Variants in ADAMTSL1 observed in about 807,000 individuals in gnomAD.
The protein encoded by ADAMTSL1 is ADAMTS-like protein 1.
ADAMTSL1 carries 126 observed loss-of-function variants against 201.8 expected under a neutral mutation model. That is an observed-to-expected ratio of 0.62 (90% CI 0.54 to 0.72). The LOEUF (loss-of-function observed/expected upper bound fraction) is 0.72. Ranked by LOEUF, ADAMTSL1 falls within the 30% of genes least tolerant of loss-of-function variation. The pLI is 0.00. For synonymous variants in ADAMTSL1, 1,121 were observed against 903.4 expected (o/e 1.24, Z -4.32); for missense variants, 2,679 against 2,277.8 (o/e 1.18, Z -3.59).
intron 15 of ADAMTSL1, among the ~76,000 whole-genome samples, chr9:18,748,172 A>G (rs1819253337): frequency 6.6e-6 from 1 of 152,228 alleles, no homozygotes; most frequent in African/African-American, 2.4e-5. Context: ...AGAAAGCAGT[A>G]TAGTAAAAGA....
intron 20 of ADAMTSL1, among the ~76,000 whole-genome samples, chr9:18,812,133 A>C (rs1047073501): frequency 6.6e-6 from 1 of 152,366 alleles, no homozygotes; most frequent in African/African-American, 2.4e-5. Flanking sequence ...AGGAACTAGA[A>C]TAGCAAAGAG....
At chr9:17,919,480 A>C (rs756447157) in intron 1 of ADAMTSL1, among the ~76,000 whole-genome samples, 16 of 151,834 alleles carry the variant, frequency 1.1e-4, no homozygotes, top group Non-Finnish European at 2.2e-4. Context: ...TCACCCCCTT[A>C]CTTCCCTCCC....
chr9:18,089,316 G>T (rs1002006672), intron 1 of ADAMTSL1, among the ~76,000 whole-genome samples: 1 of 152,132 alleles, frequency 6.6e-6, no homozygotes, highest in African/African-American at 2.4e-5. Flanking sequence ...TCCTTTGCAG[G>T]AACATGGATG....
chr9:18,276,889 A>C (rs1351432454), intron 2 of ADAMTSL1, among the ~76,000 whole-genome samples: 1 of 152,318 alleles, frequency 6.6e-6, no homozygotes, highest in Middle Eastern at 3.4e-3. Flanking sequence ...TGGAGGTCAC[A>C]TTTCAACATG....
chr9:18,195,940 T>A (rs1829156592), intron 2 of ADAMTSL1, among the ~76,000 whole-genome samples: 1 of 152,142 alleles, frequency 6.6e-6, no homozygotes, highest in Non-Finnish European at 1.5e-5. Context: ...CTGATTCACG[T>A]CCTGTGAAAA....
At chr9:18,717,910 G>A in intron 14 of ADAMTSL1, 1 of 1,088,526 alleles carries the variant, frequency 9.2e-7, no homozygotes, top group East Asian at 2.4e-5. Context: ...TTGGAGTGTT[G>A]GCACTATTGA....
chr9:18,171,210 C>G (rs1827873293), intron 2 of ADAMTSL1, among the ~76,000 whole-genome samples: 1 of 151,878 alleles, frequency 6.6e-6, no homozygotes, highest in Non-Finnish European at 1.5e-5. Context: ...TAAATAGACA[C>G]ATATAAAAAA....
chr9:18,123,487 C>G (rs548810630), intron 1 of ADAMTSL1, among the ~76,000 whole-genome samples: 24 of 152,248 alleles, frequency 1.6e-4, no homozygotes, highest in African/African-American at 5.8e-4. Context: ...TGGAAGTAGT[C>G]TAGTTTTCTG....
rs756482530 is a variant in ADAMTSL1, at chr9:18,254,376, T to G, written c.207+90395T>G. Among the ~76,000 whole-genome samples, 747 of 117,762 alleles carry G rather than the reference T, an allele frequency of 6.3e-3. 14 individuals carry two copies. Among genetic ancestry groups the G allele is most frequent in the Middle Eastern group, 0.034 (8 of 234 alleles). The allele number at this position is 117,762 out of a possible 152,430, so 77.3% of individuals were successfully genotyped here. On this transcript the variant is annotated intron_variant, in intron 2 of 29. Coordinates refer to the ADAMTSL1 transcript ENST00000680146. ...TTTTTTTTTTTTTTTTTTTTTTTTT[T>G]TTTTGAGATGGAATCTCGCTCTGTC...
Position 18,905,828 on chromosome 9 carries a change from A to C in ADAMTSL1, c.4898A>C (p.Gln1633Pro), listed in dbSNP as rs1447510550. Reference sequence around the variant, plus strand: ...CCTCACCTAGCTGTGCAACACAGACAAGTCTTCTGCCAGACACGGGATGGC... The same window carrying C: ...CCTCACCTAGCTGTGCAACACAGACCAGTCTTCTGCCAGACACGGGATGGC... ...IGPHLAVQHR[Q>P]VFCQTRDGIT... The change falls in exon 27 of 29, where the codon CAA becomes CCA. Residue 1633 changes from glutamine to proline, a missense_variant. Gln to Pro is a moderately conservative substitution (Grantham distance 76). Coordinates refer to ENST00000380548, the MANE Select transcript of ADAMTSL1 (RefSeq NM_001040272.6). 1.2e-6 allele frequency: 2 copies of C among 1,613,648 alleles called. No individual in the cohort carries two copies. The highest frequency in any genetic ancestry group is 2.7e-5 in the African/African-American group (2 of 74,922).
chr9:18,411,831 C>T (rs140362242), intron 2 of ADAMTSL1, among the ~76,000 whole-genome samples: 50 of 152,154 alleles, frequency 3.3e-4, no homozygotes, highest in African/African-American at 1.2e-3. Flanking sequence ...ATTATTACAC[C>T]CAAAACAATT....
intron 9 of ADAMTSL1, among the ~76,000 whole-genome samples, chr9:18,670,976 A>C (rs187072355): frequency 6.6e-6 from 1 of 152,122 alleles, no homozygotes; most frequent in African/African-American, 2.4e-5. Context: ...TGTACTTTAA[A>C]TCATCTCTAG....
At chr9:17,981,573 A>C (rs1818698059) in intron 1 of ADAMTSL1, among the ~76,000 whole-genome samples, 1 of 152,174 alleles carries the variant, frequency 6.6e-6, no homozygotes, top group Non-Finnish European at 1.5e-5. Context: ...TTTATGGTCT[A>C]GGATGAACGT....
intron 2 of ADAMTSL1, among the ~76,000 whole-genome samples, chr9:18,450,305 C>T (rs1243687595): frequency 1.3e-5 from 2 of 152,066 alleles, no homozygotes; most frequent in African/African-American, 4.8e-5. Context: ...TTTGTCAAAA[C>T]TCATAAAATT....
At chr9:18,374,889 G>A (rs998380028) in intron 2 of ADAMTSL1, among the ~76,000 whole-genome samples, 7 of 152,196 alleles carry the variant, frequency 4.6e-5, no homozygotes, top group Admixed American at 1.3e-4. Context: ...ACTGCTGGGG[G>A]ATTATCCCCC....
At chr9:18,609,384 C>A (rs969457466) in intron 4 of ADAMTSL1, among the ~76,000 whole-genome samples, 1 of 117,350 alleles carries the variant, frequency 8.5e-6, no homozygotes, top group African/African-American at 3.3e-5. Flanking sequence ...AAAGAGCCAA[C>A]CATGCTTGCT....
At chr9:18,341,812 A>G (rs984785879) in intron 2 of ADAMTSL1, among the ~76,000 whole-genome samples, 1 of 152,172 alleles carries the variant, frequency 6.6e-6, no homozygotes, top group Non-Finnish European at 1.5e-5. Flanking sequence ...TTATGTAGAC[A>G]TAAAATAAGA....
At chr9:18,528,464 T>A (rs1316964917) in intron 2 of ADAMTSL1, among the ~76,000 whole-genome samples, 1 of 152,194 alleles carries the variant, frequency 6.6e-6, no homozygotes, top group Non-Finnish European at 1.5e-5. Context: ...TGAGATTGAT[T>A]TTCTGTTCCT....
At chr9:18,007,108 G>A (rs1385882045) in intron 1 of ADAMTSL1, among the ~76,000 whole-genome samples, 5 of 152,006 alleles carry the variant, frequency 3.3e-5, no homozygotes, top group Non-Finnish European at 7.4e-5. Context: ...ATTTTGCCAA[G>A]CATTTCCTTT....
Sources: gnomAD v4.1 joint callset for allele counts (sites outside exome capture counted in the v4.1 genomes callset) on GRCh38, gnomAD v4.1.1 for gene constraint, MANE v1.5 for transcripts, NCBI Gene and HGNC (gene_info 2026-07-23, HGNC 2026-07-21) for gene names.